TP63: variants seen among roughly 807,000 people sequenced by gnomAD.
The protein encoded by TP63 is tumor protein p63, also known as tumor protein 63.
In TP63, 17 loss-of-function variants were observed where a neutral mutation model predicts 82.8. That is an observed-to-expected ratio of 0.21 (90% CI 0.14 to 0.31). The LOEUF (loss-of-function observed/expected upper bound fraction) is 0.31, where lower values mean the gene tolerates loss of function less well. Ranked by LOEUF, TP63 falls within the 10% of genes least tolerant of loss-of-function variation. The pLI is 1.00. For missense variants in TP63, 648 were observed against 895.3 expected (o/e 0.72, Z 3.52); for synonymous variants, 330 against 321.7 (o/e 1.03, Z -0.28).
intron 4 of TP63, among the ~76,000 whole-genome samples, chr3:189,843,787 C>T (rs1273552366): frequency 6.6e-6 from 1 of 152,118 alleles, no homozygotes; most frequent in Non-Finnish European, 1.5e-5. Flanking sequence ...AAATAATTTG[C>T]CCAAGATGAT....
intron 3 of TP63, among the ~76,000 whole-genome samples, chr3:189,749,704 C>A (rs1009730504): frequency 2.6e-5 from 4 of 152,096 alleles, no homozygotes; most frequent in African/African-American, 9.7e-5. Context: ...GGAAAAAAAT[C>A]AGTATATCAA....
chr3:189,656,504 A>T (rs1005837376), intron 1 of TP63, among the ~76,000 whole-genome samples: 1 of 152,170 alleles, frequency 6.6e-6, no homozygotes, highest in Non-Finnish European at 1.5e-5. Context: ...GTACAAATGT[A>T]CCTCAACCAA....
intron 4 of TP63, among the ~76,000 whole-genome samples, chr3:189,860,576 C>T (rs1292402187): frequency 2.0e-5 from 3 of 152,152 alleles, no homozygotes. Context: ...ACCACTTCAG[C>T]GCCTCTAGTT....
chr3:189,605,695 A>C, the TP63 span, among the ~76,000 whole-genome samples: 6 of 152,200 alleles, frequency 3.9e-5, no homozygotes, highest in African/African-American at 9.6e-5. Flanking sequence ...ACCAGATCGA[A>C]TCTCATTGCA....
chr3:189,827,841 G>A (rs1266424637), intron 4 of TP63, among the ~76,000 whole-genome samples: 2 of 152,170 alleles, frequency 1.3e-5, no homozygotes, highest in East Asian at 3.9e-4. Flanking sequence ...CTGTGAGTTG[G>A]GAGATGACAT....
At chr3:189,677,254 A>G (rs1306948589) in intron 1 of TP63, among the ~76,000 whole-genome samples, 1 of 147,662 alleles carries the variant, frequency 6.8e-6, no homozygotes, top group African/African-American at 2.5e-5. Context: ...TATAATGTGT[A>G]CATATAGATA....
intron 1 of TP63, among the ~76,000 whole-genome samples, chr3:189,715,457 G>A (rs1365317486): frequency 6.6e-6 from 1 of 152,154 alleles, no homozygotes; most frequent in African/African-American, 2.4e-5. Flanking sequence ...CTAAGAATGT[G>A]CTACCTTTGC....
intron 1 of TP63, among the ~76,000 whole-genome samples, chr3:189,638,823 A>G (rs1711555657): frequency 6.6e-6 from 1 of 152,136 alleles, no homozygotes; most frequent in African/African-American, 2.4e-5. Context: ...GAATGAATGC[A>G]AGTTCAGCAT....
intron 1 of TP63, among the ~76,000 whole-genome samples, chr3:189,720,673 G>A (rs541487385): frequency 1.3e-5 from 2 of 148,566 alleles, no homozygotes; most frequent in South Asian, 4.3e-4. Flanking sequence ...GGTGAAGGTT[G>A]CAGTGAGCTG....
At chr3:189,841,108 C>T (rs562557645) in intron 4 of TP63, among the ~76,000 whole-genome samples, 5 of 152,182 alleles carry the variant, frequency 3.3e-5, no homozygotes, top group African/African-American at 1.2e-4. Flanking sequence ...TTGAACACGG[C>T]AAGGACACCA....
intron 1 of TP63, among the ~76,000 whole-genome samples, chr3:189,731,872 G>A (rs1400132816): frequency 6.6e-6 from 1 of 152,164 alleles, no homozygotes; most frequent in Non-Finnish European, 1.5e-5. Context: ...TTGGAAGATA[G>A]GTAGGATTTG....
At chr3:189,822,182 A>G (rs1423502222) in intron 4 of TP63, among the ~76,000 whole-genome samples, 2 of 152,176 alleles carry the variant, frequency 1.3e-5, no homozygotes, top group African/African-American at 4.8e-5. Context: ...GCCTAAAACA[A>G]TGCCTGTAAA....
chr3:189,656,307 T>C (rs995912149), intron 1 of TP63, among the ~76,000 whole-genome samples: 1 of 152,130 alleles, frequency 6.6e-6, no homozygotes, highest in East Asian at 1.9e-4. Flanking sequence ...CTTAGATTAG[T>C]TAAAAGTGCA....
At chr3:189,673,414 A>G (rs371157586) in intron 1 of TP63, among the ~76,000 whole-genome samples, 1 of 152,280 alleles carries the variant, frequency 6.6e-6, no homozygotes, top group East Asian at 1.9e-4. Context: ...TAAATAAATA[A>G]ACATGCAAAG....
chr3:189,863,503 AT>A (rs1487409802), intron 4 of TP63, among the ~76,000 whole-genome samples: 1 of 151,996 alleles, frequency 6.6e-6, no homozygotes, highest in Admixed American at 6.5e-5. Context: ...AGAAGGAAAA[AT>A]TTCACTCACT....
In TP63 at chr3:189,737,874, T is replaced by A; in HGVS notation, c.191+6T>A. 6.2e-7 allele frequency: 1 copy of A among 1,613,808 alleles called. No homozygotes were observed. Among genetic ancestry groups the A allele is most frequent in the Non-Finnish European group, 8.5e-7 (1 of 1,179,780 alleles). On this transcript the variant is annotated splice_donor_region_variant and intron_variant, in intron 2 of 13. Coordinates refer to ENST00000264731, the MANE Select transcript of TP63 (RefSeq NM_003722.5). Reference sequence around the variant, plus strand: ...ATCTGGGATTTTCTGGAACAGTAAGTATAAAACAAGCAAGAAATGTTTTGC... The same window carrying A: ...ATCTGGGATTTTCTGGAACAGTAAGAATAAAACAAGCAAGAAATGTTTTGC...
At chr3:189,608,498 G>A in the TP63 span, among the ~76,000 whole-genome samples, 1 of 152,212 alleles carries the variant, frequency 6.6e-6, no homozygotes, top group African/African-American at 2.4e-5. Context: ...AATGGTAAGG[G>A]CATTAGATAA....
intron 3 of TP63, among the ~76,000 whole-genome samples, chr3:189,791,538 T>C (rs1010311661): frequency 6.6e-6 from 1 of 152,048 alleles, no homozygotes; most frequent in Admixed American, 6.6e-5. Flanking sequence ...TCTAGGTAAA[T>C]ATGTAATCAA....
At chr3:189,759,815 G>A (rs1162159471) in intron 3 of TP63, among the ~76,000 whole-genome samples, 2 of 152,158 alleles carry the variant, frequency 1.3e-5, no homozygotes, top group African/African-American at 2.4e-5. Context: ...TGCTGATAAA[G>A]ACATACCCAA....
Sources: allele counts gnomAD v4.1 joint callset (sites outside exome capture counted in the v4.1 genomes callset), GRCh38; gene constraint gnomAD v4.1.1; transcripts MANE v1.5; gene names NCBI Gene and HGNC (gene_info 2026-07-23, HGNC 2026-07-21).